P4HA1: variants seen among roughly 807,000 people sequenced by gnomAD.
P4HA1 encodes the protein prolyl 4-hydroxylase subunit alpha-1.
In P4HA1, 24 loss-of-function variants were observed where a neutral mutation model predicts 72.8. The observed-to-expected ratio is 0.33, with a 90% CI of 0.24 to 0.46. The LOEUF (loss-of-function observed/expected upper bound fraction) is 0.46. Ranked by LOEUF, P4HA1 falls within the 20% of genes least tolerant of loss-of-function variation. P4HA1 has a pLI of 1.00. For missense variants in P4HA1, 446 were observed against 640.6 expected, an observed-to-expected ratio of 0.70 and a Z score of 3.28; for synonymous variants, 201 against 218.8, an observed-to-expected ratio of 0.92 and a Z score of 0.72.
chr10:73,093,874 ATATATATATATATATAT>A (rs1277281784), intron 1 of P4HA1, among the ~76,000 whole-genome samples: 3 of 27,708 alleles, frequency 1.1e-4, no homozygotes, highest in Admixed American at 5.5e-4. Flanking sequence ...AAAAAAAAAA[ATATATATATATATATAT>A]ATATATATAT....
chr10:73,075,746 T>C (rs1394829114), intron 1 of P4HA1, among the ~76,000 whole-genome samples: 3 of 151,012 alleles, frequency 2.0e-5, no homozygotes, highest in Non-Finnish European at 4.4e-5. Context: ...ATATATAGTG[T>C]GTGTGTGTGT....
chr10:73,030,970 T>C (rs1840420383), intron 9 of P4HA1, among the ~76,000 whole-genome samples: 1 of 152,192 alleles, frequency 6.6e-6, no homozygotes, highest in African/African-American at 2.4e-5. Flanking sequence ...TTGCTCAAAA[T>C]GCTAAACACA....
intron 5 of P4HA1, among the ~76,000 whole-genome samples, chr10:73,060,068 T>C (rs907366547): frequency 2.0e-5 from 3 of 152,054 alleles, no homozygotes; most frequent in Admixed American, 6.5e-5. Context: ...CAAAGAGAAA[T>C]GAATTACCTC....
At chr10:73,052,783 C>A (rs2133099574) in intron 6 of P4HA1, among the ~76,000 whole-genome samples, 1 of 152,266 alleles carries the variant, frequency 6.6e-6, no homozygotes, top group African/African-American at 2.4e-5. Context: ...TGGACTCCAT[C>A]TCCAGAGATT....
intron 5 of P4HA1, among the ~76,000 whole-genome samples, chr10:73,059,424 T>TA (rs920360586): frequency 0.018 from 441 of 24,160 alleles, 137 homozygotes; most frequent in Non-Finnish European, 0.026. Context: ...ACAATATATT[T>TA]AAAAAAAAAA....
intron 10 of P4HA1, 75 bp downstream of exon 10, chr10:73,030,196 G>A: frequency 1.6e-6 from 1 of 641,088 alleles, no homozygotes; most frequent in Non-Finnish European, 2.6e-6. Flanking sequence ...AGGACTGCCT[G>A]TTCAGTGTCA....
chr10:73,033,447 G>A (rs1840488583), intron 9 of P4HA1, among the ~76,000 whole-genome samples: 1 of 152,116 alleles, frequency 6.6e-6, no homozygotes, highest in Admixed American at 6.6e-5. Context: ...TTGATTCTAT[G>A]CTTTCTAACT....
At chr10:73,080,421 G>C (rs1054713361) in intron 1 of P4HA1, among the ~76,000 whole-genome samples, 2 of 152,146 alleles carry the variant, frequency 1.3e-5, no homozygotes, top group African/African-American at 4.8e-5. Context: ...AGAACCACTG[G>C]ATACAGCAAA....
At chr10:73,066,570 T>G (rs1440536172) in intron 5 of P4HA1, among the ~76,000 whole-genome samples, 1 of 152,040 alleles carries the variant, frequency 6.6e-6, no homozygotes, top group Non-Finnish European at 1.5e-5. Context: ...CAGGTTGGAG[T>G]GTAGTGGCGT....
intron 4 of P4HA1, among the ~76,000 whole-genome samples, chr10:73,070,142 CTTTTTTTTTTTTTTTTT>C (rs71021546): frequency 1.2e-4 from 8 of 64,470 alleles, no homozygotes; most frequent in Admixed American, 2.2e-4. Context: ...GAGACCAGGC[CTTTTTTTTTTTTTTTTT>C]TTTTTTTTTT....
chr10:73,022,335 C>T (rs1840155699), intron 10 of P4HA1, among the ~76,000 whole-genome samples: 1 of 152,196 alleles, frequency 6.6e-6, no homozygotes, highest in Non-Finnish European at 1.5e-5. Flanking sequence ...GCATCCTCTG[C>T]TGGTGATACC....
At chr10:73,028,307 AAC>A (rs10561551) in intron 10 of P4HA1, among the ~76,000 whole-genome samples, 12,941 of 143,256 alleles carry the variant, frequency 0.09, 684 homozygotes, top group South Asian at 0.24. Context: ...GTCACTGTAA[AAC>A]ACACACACAC....
chr10:73,018,239 G>A (rs914679792), intron 10 of P4HA1, among the ~76,000 whole-genome samples: 3 of 152,110 alleles, frequency 2.0e-5, no homozygotes, highest in African/African-American at 7.2e-5. Context: ...GGGCCACCCA[G>A]AACAGTCACG....
chr10:73,070,354 A>C (rs2133128775), intron 4 of P4HA1, among the ~76,000 whole-genome samples: 1 of 151,442 alleles, frequency 6.6e-6, no homozygotes, highest in Middle Eastern at 3.4e-3. Flanking sequence ...ACGGGTTTTC[A>C]CCATGTTGAC....
intron 1 of P4HA1, among the ~76,000 whole-genome samples, chr10:73,091,060 CAAAAAAAAAA>C (rs202009101): frequency 1.8e-4 from 9 of 49,386 alleles, no homozygotes; most frequent in African/African-American, 4.4e-4. Context: ...GAGTCCATCT[CAAAAAAAAAA>C]AAAAAAAAAA....
chr10:73,076,468 T>C lies in P4HA1; in HGVS notation c.-32-1553A>G, dbSNP rs572422476. Among the ~76,000 whole-genome samples, 12 of 152,240 alleles carry C rather than the reference T, an allele frequency of 7.9e-5. No homozygotes were observed. The South Asian group carries it at 2.5e-3, about 32-fold the overall frequency. On this transcript the variant is annotated intron_variant, in intron 1 of 14. Coordinates refer to ENST00000394890, the MANE Select transcript of P4HA1 (RefSeq NM_001017962.3). Reference sequence around the variant, plus strand: ...ACCCAGACTTCAGTTTTGTTTCTCTTATCAACTGTGTTCTATGTAAAAAAA... The same window carrying C: ...ACCCAGACTTCAGTTTTGTTTCTCTCATCAACTGTGTTCTATGTAAAAAAA...
chr10:73,074,763 TA>T, intron 2 of P4HA1, 44 bp downstream of exon 2: 2 of 1,028,882 alleles, frequency 1.9e-6, no homozygotes, highest in Admixed American at 1.8e-5. Context: ...AAATGGAAAT[TA>T]AAAAATGCAA....
Position 73,068,953 on chromosome 10 carries a change from T to G in P4HA1, c.356A>C (p.Gln119Pro), listed in dbSNP as rs1841486913. Residue 119 changes from glutamine to proline, a missense_variant, in exon 5 of 15, where the codon CAG becomes CCG. Coordinates refer to ENST00000394890, the MANE Select transcript of P4HA1 (RefSeq NM_001017962.3). ...GFISNLTIQR[Q>P]YFPNDEDQVG... ...CTGATCTTCATCATTAGGAAAGTAC[T>G]GTCTCTGAATGGTTAGGTTAGAGAT... is the stretch of plus-strand genomic sequence containing the variant. 6.2e-7 allele frequency: 1 copy of G among 1,612,808 alleles called. No homozygotes were observed. Among genetic ancestry groups the G allele is most frequent in the South Asian group, 1.1e-5 (1 of 91,048 alleles).
At position 73,053,468 on chromosome 10, in the gene P4HA1, C is replaced by T; in HGVS notation, c.586G>A (p.Glu196Lys). The T allele has an allele frequency of 6.2e-7, 1 of 1,614,180 alleles. No individual in the cohort carries two copies. The highest frequency in any genetic ancestry group is 8.5e-7 in the Non-Finnish European group (1 of 1,180,012). Residue 196 changes from glutamate to lysine, a missense_variant, in exon 6 of 15, where the codon GAA (glutamate) becomes AAA (lysine). Transcript: ENST00000394890. The stretch of plus-strand genomic sequence containing the variant: ...TTATCTATGGTAGAAATCTCGCCTT[C>T]ATCCAGTTGCCTTAGGGCTTGTTCC... ...WMEQALRQLDEGEISTIDKVS... is the reference protein window; with the variant it reads ...WMEQALRQLDKGEISTIDKVS...
Sources: gnomAD v4.1 joint callset for allele counts (sites outside exome capture counted in the v4.1 genomes callset) on GRCh38, gnomAD v4.1.1 for gene constraint, MANE v1.5 for transcripts, NCBI Gene and HGNC (gene_info 2026-07-23, HGNC 2026-07-21) for gene names.